The following MYH11 variants were observed in gnomAD, a reference collection of about 807,000 sequenced individuals.
MYH11 encodes myosin-11.
MYH11 carries 80 observed loss-of-function variants against 246.6 expected under a neutral mutation model. That is an observed-to-expected ratio of 0.32 (90% CI 0.27 to 0.39). The LOEUF is 0.39. Among genes scored for constraint, MYH11 ranks in the 10% least tolerant of loss-of-function variants. MYH11 has a pLI of 1.00. For synonymous variants in MYH11, 1,071 were observed against 1,015.5 expected (o/e 1.05, Z -1.04); for missense variants, 2,158 against 2,546.8 (o/e 0.85, Z 3.29).
intron 3 of MYH11, among the ~76,000 whole-genome samples, chr16:15,816,766 T>C (rs1286758174): frequency 2.7e-5 from 4 of 149,286 alleles, no homozygotes; most frequent in African/African-American, 1.0e-4. Flanking sequence ...GATCAAGTGT[T>C]GTTTTCAGAG....
Position 15,705,984 on chromosome 16 carries a change from C to CAAAAAAAAAAAAAAAAAA in MYH11, c.5787-1879_5787-1862dup, listed in dbSNP as rs57451847. On this transcript the variant is annotated intron_variant, in intron 40 of 40. Transcript: ENST00000300036. The stretch of plus-strand genomic sequence containing the variant: ...TAGGCGACAGGGTGAGACTCCGTCT[C>CAAAAAAAAAAAAAAAAAA]AAAAAAAAAAAAAAAAAAAAATCAA... 5.8e-4 allele frequency among the ~76,000 whole-genome samples: 33 copies of CAAAAAAAAAAAAAAAAAA among 56,756 alleles called. 7 individuals carry two copies. The highest frequency in any genetic ancestry group is 2.4e-3 in the African/African-American group (21 of 8,904). 37.2% of individuals were successfully genotyped at this position (56,756 alleles called of 152,430 possible).
chr16:15,828,530 C>T (rs1418800393), intron 2 of MYH11, among the ~76,000 whole-genome samples: 1 of 152,186 alleles, frequency 6.6e-6, no homozygotes, highest in Non-Finnish European at 1.5e-5. Flanking sequence ...GACACTCAGT[C>T]AGCTGTAATC....
chr16:15,782,747 G>A, intron 5 of MYH11: 1 of 455,002 alleles, frequency 2.2e-6, no homozygotes, highest in Non-Finnish European at 4.1e-6. Context: ...CAACATCACT[G>A]CCACTCAAAG....
intron 3 of MYH11, among the ~76,000 whole-genome samples, chr16:15,806,885 C>T (rs549229841): frequency 2.6e-5 from 4 of 152,132 alleles, no homozygotes; most frequent in African/African-American, 9.7e-5. Context: ...TGCATATTCA[C>T]GTGTTCACAT....
chr16:15,716,566 G>A (rs2040158993), intron 38 of MYH11, among the ~76,000 whole-genome samples: 1 of 152,058 alleles, frequency 6.6e-6, no homozygotes, highest in Non-Finnish European at 1.5e-5. Flanking sequence ...GTGTCACCCA[G>A]GCTGCAGTGC....
intron 3 of MYH11, among the ~76,000 whole-genome samples, chr16:15,805,851 G>A (rs1401191374): frequency 6.6e-6 from 1 of 152,178 alleles, no homozygotes; most frequent in Non-Finnish European, 1.5e-5. Context: ...AGGAGGTGGA[G>A]GTTGTAGTAA....
chr16:15,763,912 C>A, intron 9 of MYH11, 21 bp from the exon 10 acceptor site: 1 of 1,593,456 alleles, frequency 6.3e-7, no homozygotes, highest in South Asian at 1.1e-5. Flanking sequence ...GAGAGAAGGG[C>A]AGAGCAGACA....
intron 19 of MYH11, among the ~76,000 whole-genome samples, chr16:15,745,617 C>T (rs1291897258): frequency 2.6e-5 from 3 of 113,530 alleles, no homozygotes; most frequent in African/African-American, 7.0e-5. Flanking sequence ...GATAGAGTTT[C>T]GCTCTTGTTG....
chr16:15,724,540 G>T (rs2040651527), intron 30 of MYH11, 107 bp downstream of exon 30: 2 of 1,606,140 alleles, frequency 1.2e-6, no homozygotes, highest in African/African-American at 2.7e-5. Flanking sequence ...GAAGCTGGGG[G>T]GTCAAGCACC....
At chr16:15,753,720 T>C (rs1216526565) in intron 14 of MYH11, among the ~76,000 whole-genome samples, 1 of 152,184 alleles carries the variant, frequency 6.6e-6, no homozygotes, top group Non-Finnish European at 1.5e-5. Flanking sequence ...CAGCCAGTGA[T>C]AGCCATTGCT....
At chr16:15,856,577 T>C (rs1352327112) in intron 1 of MYH11, among the ~76,000 whole-genome samples, 2 of 151,898 alleles carry the variant, frequency 1.3e-5, no homozygotes, top group African/African-American at 4.8e-5. Flanking sequence ...AGGGAGCATA[T>C]CTCCTGGATT....
In MYH11 at chr16:15,786,205, T is replaced by C. The variant is rs2042464483; in HGVS notation, c.633+425A>G. ...ATCTGACAATGTCTAGAGATATTTT[T>C]GGTTGTCACAACTGGAGGGAAGGGG... On this transcript the variant is annotated intron_variant, in intron 5 of 40. Transcript: ENST00000300036. 1.4e-5 allele frequency: 5 copies of C among 355,786 alleles called. No individual in the cohort carries two copies. The Admixed American group carries it at 1.5e-4, about 11-fold the overall frequency. The allele number at this position is 355,786 out of a possible 1,614,324, so 22.0% of individuals were successfully genotyped here. A position where few individuals can be genotyped will look rare whatever the true frequency, so the allele number is the denominator to read the frequency against.
At chr16:15,836,425 G>A (rs1010437608) in intron 2 of MYH11, among the ~76,000 whole-genome samples, 2 of 151,736 alleles carry the variant, frequency 1.3e-5, no homozygotes, top group African/African-American at 2.4e-5. Context: ...TAGAGATGAA[G>A]TTTTGCTCTT....
intron 15 of MYH11, among the ~76,000 whole-genome samples, chr16:15,751,317 G>T (rs967768993): frequency 1.3e-5 from 2 of 151,350 alleles, no homozygotes; most frequent in Non-Finnish European, 2.9e-5. Context: ...GCGCCACCAC[G>T]CCCGGCTCAT....
intron 40 of MYH11, among the ~76,000 whole-genome samples, chr16:15,707,484 A>T (rs778641630): frequency 1.3e-5 from 2 of 152,170 alleles, no homozygotes; most frequent in Non-Finnish European, 2.9e-5. Context: ...CTATGATCCC[A>T]ATCAGCTGGT....
Position 15,719,258 on chromosome 16 carries a change from C to T in MYH11, c.5133G>A (p.Glu1711=), listed in dbSNP as rs949333851. 1 of 1,613,552 alleles carries T rather than the reference C, an allele frequency of 6.2e-7. No individual in the cohort carries two copies. ...TACTGGCCAGCTCCTCTGCCAGTTC[C>T]TCCTTCTCGAGGTCCGCTTGTTTGC... ...RARKQADLEK[E]ELAEELASSL... The change falls in exon 36 of 41, where the codon GAG becomes GAA. Residue 1711 remains glutamate (E), a synonymous_variant. Transcript: ENST00000300036.
chr16:15,749,995 G>A, intron 16 of MYH11, 143 bp downstream of exon 16: 1 of 1,014,280 alleles, frequency 9.9e-7, no homozygotes, highest in Non-Finnish European at 1.5e-6. Flanking sequence ...GATGGGGAAT[G>A]GGTCTGAGAT....
chr16:15,717,616 G>GT, intron 37 of MYH11: 3 of 570,882 alleles, frequency 5.3e-6, no homozygotes, highest in Non-Finnish European at 9.4e-6. Flanking sequence ...CCAACATGGT[G>GT]AAACCCCGTC....
In MYH11 at chr16:15,784,698, G is replaced by A. The variant is rs1060500725; in HGVS notation, c.633+1932C>T. Reference sequence around the variant, plus strand: ...CAGGAAAACACTCTCAGTTACTCACGTAGGCAAAAGATGGGCCTTGCTGTG... The same window carrying A: ...CAGGAAAACACTCTCAGTTACTCACATAGGCAAAAGATGGGCCTTGCTGTG... On this transcript the variant is annotated intron_variant, in intron 5 of 40. Coordinates refer to ENST00000300036, the MANE Select transcript of MYH11 (RefSeq NM_002474.3). The A allele has an allele frequency of 4.3e-6, 7 of 1,613,814 alleles. No homozygotes were observed. In the South Asian group the frequency reaches 4.4e-5, roughly 10 times the overall value.
Sources: allele counts gnomAD v4.1 joint callset (sites outside exome capture counted in the v4.1 genomes callset), GRCh38; gene constraint gnomAD v4.1.1; transcripts MANE v1.5; gene names NCBI Gene and HGNC (gene_info 2026-07-23, HGNC 2026-07-21).